Variants in TLL1 observed in about 807,000 individuals in gnomAD.
The protein encoded by TLL1 is tolloid-like protein 1.
In TLL1, 49 loss-of-function variants were observed where a neutral mutation model predicts 128.2. The ratio of observed to expected loss-of-function variants is 0.38; its 90% CI spans 0.30 to 0.48. The LOEUF is 0.48. Ranked by LOEUF, TLL1 falls within the 20% of genes least tolerant of loss-of-function variation. The pLI is 0.96. For synonymous variants in TLL1, 454 were observed against 418.8 expected (o/e 1.08, Z -1.03); for missense variants, 1,123 against 1,242.0 (o/e 0.90, Z 1.44).
At chr4:166,069,032 A>G (rs1419881727) in intron 16 of TLL1, among the ~76,000 whole-genome samples, 2 of 151,724 alleles carry the variant, frequency 1.3e-5, no homozygotes, top group African/African-American at 4.8e-5. Context: ...TTTTCTTTTA[A>G]TTTAAATATA....
At chr4:166,010,990 T>G (rs1737667385) in intron 7 of TLL1, among the ~76,000 whole-genome samples, 1 of 151,364 alleles carries the variant, frequency 6.6e-6, no homozygotes, top group Non-Finnish European at 1.5e-5. Flanking sequence ...CTCTCTCTTT[T>G]ATTTCACCCG....
intron 1 of TLL1, among the ~76,000 whole-genome samples, chr4:165,985,109 A>G (rs371138245): frequency 2.6e-5 from 4 of 152,170 alleles, no homozygotes; most frequent in East Asian, 3.9e-4. Flanking sequence ...TAAGGTGAGC[A>G]ATACATACTT....
At chr4:165,879,548 G>C (rs945335319) in intron 1 of TLL1, among the ~76,000 whole-genome samples, 6 of 152,090 alleles carry the variant, frequency 3.9e-5, no homozygotes, top group Non-Finnish European at 7.4e-5. Flanking sequence ...ATTAAGTGCT[G>C]ATAATTTACC....
At chr4:166,008,129 A>G (rs1737523142) in intron 7 of TLL1, 81 bp downstream of exon 7, 1 of 967,796 alleles carries the variant, frequency 1.0e-6, no homozygotes, top group East Asian at 2.5e-5. Flanking sequence ...CTGACATTAG[A>G]ACTAGAATTA....
At chr4:165,922,393 T>C (rs945062484) in intron 1 of TLL1, among the ~76,000 whole-genome samples, 1 of 152,206 alleles carries the variant, frequency 6.6e-6, no homozygotes, top group South Asian at 2.1e-4. Context: ...CATCCTGTTA[T>C]TACCCTAAGG....
chr4:166,075,056 G>T (rs1740960916), intron 17 of TLL1, 53 bp downstream of exon 17: 2 of 1,604,868 alleles, frequency 1.2e-6, no homozygotes, highest in East Asian at 2.2e-5. Flanking sequence ...CATGTGGTTT[G>T]GGTAAAGCAC....
At chr4:165,985,697 G>T (rs1263644922) in intron 1 of TLL1, among the ~76,000 whole-genome samples, 1 of 151,880 alleles carries the variant, frequency 6.6e-6, no homozygotes, top group Non-Finnish European at 1.5e-5. Context: ...TCACAATCTT[G>T]AATTGCTTAT....
chr4:165,897,662 C>CTTTTTTTTTTTTTTTTTT (rs951819686), intron 1 of TLL1, among the ~76,000 whole-genome samples: 12 of 47,518 alleles, frequency 2.5e-4, no homozygotes, highest in South Asian at 1.5e-3. Context: ...GGTAGTCCAG[C>CTTTTTTTTTTTTTTTTTT]TTTTTTTTTT....
intron 1 of TLL1, among the ~76,000 whole-genome samples, chr4:165,968,914 C>T (rs1028090991): frequency 6.6e-6 from 1 of 152,030 alleles, no homozygotes; most frequent in African/African-American, 2.4e-5. Flanking sequence ...TTTATTGCTG[C>T]CTGAGTGGTG....
intron 9 of TLL1, among the ~76,000 whole-genome samples, chr4:166,033,202 A>G (rs1036673136): frequency 1.3e-5 from 2 of 152,166 alleles, no homozygotes; most frequent in African/African-American, 4.8e-5. Context: ...TTTTGCCCAG[A>G]TATTTATCCT....
intron 5 of TLL1, among the ~76,000 whole-genome samples, chr4:165,999,515 C>G (rs1737048916): frequency 6.6e-6 from 1 of 152,088 alleles, no homozygotes; most frequent in Non-Finnish European, 1.5e-5. Context: ...GGGAGACCAC[C>G]CCCCTGATCC....
intron 6 of TLL1, among the ~76,000 whole-genome samples, chr4:166,005,965 C>G (rs894564993): frequency 1.4e-4 from 21 of 151,694 alleles, no homozygotes; most frequent in Non-Finnish European, 2.7e-4. Flanking sequence ...AGAAAAAAAT[C>G]TATTGGGTGA....
At chr4:165,988,965 A>T (rs1736510352) in intron 1 of TLL1, among the ~76,000 whole-genome samples, 1 of 152,144 alleles carries the variant, frequency 6.6e-6, no homozygotes, top group Admixed American at 6.6e-5. Context: ...AAAATATCAC[A>T]TGGTTTAGTT....
chr4:165,978,814 T>C lies in TLL1; in HGVS notation c.170-10567T>C, dbSNP rs371563512. 5.4e-4 allele frequency among the ~76,000 whole-genome samples: 83 copies of C among 152,338 alleles called. 1 individual carries two copies. In the South Asian group the frequency reaches 0.012, roughly 22 times the overall value. On this transcript the variant is annotated intron_variant, in intron 1 of 20. Coordinates refer to ENST00000061240, the MANE Select transcript of TLL1 (RefSeq NM_012464.5). ...TTTCCAATGAGTATCTTGTCAGTGA[T>C]TTTGACATATTCCTGTCCCCCTGCC...
intron 9 of TLL1, chr4:166,030,740 A>C: frequency 8.6e-7 from 1 of 1,161,054 alleles, no homozygotes; most frequent in Non-Finnish European, 1.1e-6. Flanking sequence ...AGATTTACTA[A>C]ATGTTTTTAT....
chr4:166,002,258 A>G (rs1168565727), intron 5 of TLL1, among the ~76,000 whole-genome samples: 2 of 152,092 alleles, frequency 1.3e-5, no homozygotes, highest in Non-Finnish European at 2.9e-5. Flanking sequence ...CTCTTCATAA[A>G]GGCAGAGTCC....
chr4:165,894,762 T>C (rs2110838736), intron 1 of TLL1, among the ~76,000 whole-genome samples: 1 of 152,140 alleles, frequency 6.6e-6, no homozygotes, highest in Non-Finnish European at 1.5e-5. Context: ...TGGGTGACTA[T>C]TATCAGGTTG....
At chr4:166,013,908 CT>C (rs1003113265) in intron 7 of TLL1, among the ~76,000 whole-genome samples, 5 of 150,590 alleles carry the variant, frequency 3.3e-5, no homozygotes, top group African/African-American at 9.8e-5. Context: ...TTTTTTTTAT[CT>C]TTTTTTTAAC....
chr4:165,950,385 T>C (rs766141824), intron 1 of TLL1, among the ~76,000 whole-genome samples: 1 of 152,080 alleles, frequency 6.6e-6, no homozygotes, highest in Non-Finnish European at 1.5e-5. Flanking sequence ...AATGAGCAAA[T>C]ATATTTGGAA....
Sources: gnomAD v4.1 joint callset for allele counts (sites outside exome capture counted in the v4.1 genomes callset) on GRCh38, gnomAD v4.1.1 for gene constraint, MANE v1.5 for transcripts, NCBI Gene and HGNC (gene_info 2026-07-23, HGNC 2026-07-21) for gene names.